Variants in PCDH15 observed in about 807,000 individuals in gnomAD.
PCDH15 encodes the protein protocadherin related 15.
In PCDH15, 129 loss-of-function variants were observed where a neutral mutation model predicts 178.5. The ratio of observed to expected loss-of-function variants is 0.72; its 90% CI spans 0.63 to 0.84. PCDH15 has a LOEUF of 0.84. Ranked by LOEUF, PCDH15 falls within the 40% of genes least tolerant of loss-of-function variation. PCDH15 has a pLI of 0.00. For missense variants in PCDH15, 2,230 were observed against 2,099.9 expected (o/e 1.06, Z -1.21); for synonymous variants, 800 against 732.0 (o/e 1.09, Z -1.50).
At chr10:55,270,250 C>T (rs1360117077) in intron 1 of PCDH15, among the ~76,000 whole-genome samples, 1 of 152,020 alleles carries the variant, frequency 6.6e-6, no homozygotes, top group Non-Finnish European at 1.5e-5. Flanking sequence ...ACTAAGTCCC[C>T]AAAAGCAATT....
chr10:54,129,197 A>G (rs2042223700), intron 15 of PCDH15, among the ~76,000 whole-genome samples: 1 of 152,308 alleles, frequency 6.6e-6, no homozygotes, highest in Non-Finnish European at 1.5e-5. Flanking sequence ...TCAAAGAAAT[A>G]TAGCCTCTTA....
chr10:54,446,772 TCTTG>T (rs1434186037), intron 3 of PCDH15, among the ~76,000 whole-genome samples: 2 of 151,444 alleles, frequency 1.3e-5, no homozygotes, highest in African/African-American at 4.8e-5. Flanking sequence ...CGGATTAGGC[TCTTG>T]CTTGCTTGCA....
chr10:55,119,747 G>A (rs1392863811), intron 2 of PCDH15, among the ~76,000 whole-genome samples: 1 of 152,116 alleles, frequency 6.6e-6, no homozygotes, highest in Non-Finnish European at 1.5e-5. Context: ...AAGTAATATT[G>A]GGAAAATACA....
At chr10:55,004,351 A>G (rs1402280664) in intron 2 of PCDH15, among the ~76,000 whole-genome samples, 1 of 152,132 alleles carries the variant, frequency 6.6e-6, no homozygotes, top group Admixed American at 6.6e-5. Flanking sequence ...AACTGGCCCA[A>G]TTGTTTCATA....
chr10:54,037,244 T>C (rs1306110417), intron 18 of PCDH15, among the ~76,000 whole-genome samples: 1 of 151,936 alleles, frequency 6.6e-6, no homozygotes, highest in Non-Finnish European at 1.5e-5. Context: ...GAAGATTGAC[T>C]CCAATTCTGA....
At chr10:55,006,890 A>C (rs139019644) in intron 2 of PCDH15, among the ~76,000 whole-genome samples, 151 of 152,092 alleles carry the variant, frequency 9.9e-4, no homozygotes, top group African/African-American at 3.5e-3. Context: ...TATACATTCC[A>C]TTTCAATGCT....
intron 1 of PCDH15, among the ~76,000 whole-genome samples, chr10:54,770,054 A>G (rs1034669443): frequency 2.0e-5 from 3 of 152,128 alleles, no homozygotes; most frequent in Non-Finnish European, 4.4e-5. Flanking sequence ...TTAACGGCTT[A>G]ATAGCAACAT....
chr10:54,130,634 G>A (rs2042359612), intron 15 of PCDH15, among the ~76,000 whole-genome samples: 1 of 152,132 alleles, frequency 6.6e-6, no homozygotes. Flanking sequence ...TGGGAGGAGG[G>A]GAAACAAGAA....
At chr10:54,709,694 GTA>G (rs1349815602) in intron 1 of PCDH15, among the ~76,000 whole-genome samples, 6 of 120,812 alleles carry the variant, frequency 5.0e-5, no homozygotes, top group East Asian at 2.1e-4. Context: ...GTGTGTGTGT[GTA>G]TATATATATT....
At chr10:54,779,412 A>ACATATACACACACACATATATGTG (rs1950044145) in intron 1 of PCDH15, among the ~76,000 whole-genome samples, 3 of 119,650 alleles carry the variant, frequency 2.5e-5, no homozygotes, top group Non-Finnish European at 5.1e-5. Flanking sequence ...ATATGTATAT[A>ACATATACACACACACATATATGTG]TATATATATA....
chr10:54,826,393 G>A (rs1378350937), intron 3 of PCDH15, among the ~76,000 whole-genome samples: 2 of 151,936 alleles, frequency 1.3e-5, no homozygotes, highest in East Asian at 1.9e-4. Context: ...AATGGTAGAT[G>A]TGTGAGGAGA....
At chr10:55,579,902 G>C (rs1018363010) in intron 2 of PCDH15, among the ~76,000 whole-genome samples, 5 of 152,040 alleles carry the variant, frequency 3.3e-5, no homozygotes, top group Admixed American at 3.3e-4. Flanking sequence ...TGTTGTCCAG[G>C]CTGGAGTGCA....
intron 15 of PCDH15, among the ~76,000 whole-genome samples, chr10:54,112,909 G>T (rs2095051104): frequency 6.6e-6 from 1 of 152,170 alleles, no homozygotes; most frequent in Admixed American, 6.5e-5. Flanking sequence ...TTGCTGATTA[G>T]TTACGTAGAC....
chr10:55,369,631 A>G (rs1845452044), intron 2 of PCDH15, among the ~76,000 whole-genome samples: 1 of 152,064 alleles, frequency 6.6e-6, no homozygotes, highest in Non-Finnish European at 1.5e-5. Context: ...TTTTTTAACC[A>G]CAGATTAATT....
chr10:55,012,628 C>T (rs1434376537), intron 2 of PCDH15, among the ~76,000 whole-genome samples: 1 of 152,062 alleles, frequency 6.6e-6, no homozygotes, highest in Non-Finnish European at 1.5e-5. Flanking sequence ...GAGCTTTCTT[C>T]AGTGTTTGTC....
In PCDH15 at chr10:55,015,903, T is replaced by G. The variant is rs12247955; in HGVS notation, c.-79-118403A>C. Reference sequence around the variant, plus strand: ...AGAACCCACAGGAGATCTATGAGGGTAAAAACTGCATAGAAGAGCAGGGGA... The same window carrying G: ...AGAACCCACAGGAGATCTATGAGGGGAAAAACTGCATAGAAGAGCAGGGGA... On this transcript the variant is annotated intron_variant, in intron 2 of 5. Transcript: ENST00000458638. 2.2e-3 allele frequency among the ~76,000 whole-genome samples: 341 copies of G among 151,970 alleles called. 3 individuals carry two copies. The highest frequency in any genetic ancestry group is 7.8e-3 in the African/African-American group (322 of 41,448).
At chr10:53,808,499 CTCTAATACAG>C in intron 37 of PCDH15, 1 of 1,407,182 alleles carries the variant, frequency 7.1e-7, no homozygotes, top group African/African-American at 1.4e-5. Context: ...GTCAGTTTTA[CTCTAATACAG>C]TCTAATATAC....
intron 3 of PCDH15, among the ~76,000 whole-genome samples, chr10:54,836,793 A>G (rs1953325080): frequency 6.6e-6 from 1 of 152,166 alleles, no homozygotes; most frequent in African/African-American, 2.4e-5. Context: ...CTAATAAGTA[A>G]CAAATAGAAT....
At chr10:54,113,113 G>T (rs1008105432) in intron 15 of PCDH15, among the ~76,000 whole-genome samples, 7 of 152,158 alleles carry the variant, frequency 4.6e-5, no homozygotes, top group Non-Finnish European at 1.0e-4. Context: ...GGGAAAAAGA[G>T]AATTTCCGGG....
Sources: allele counts gnomAD v4.1 joint callset (sites outside exome capture counted in the v4.1 genomes callset), GRCh38; gene constraint gnomAD v4.1.1; transcripts MANE v1.5; gene names NCBI Gene and HGNC (gene_info 2026-07-23, HGNC 2026-07-21).